The following PRELID2 variants were observed in gnomAD, a reference collection of about 807,000 sequenced individuals.
PRELID2 encodes PRELI domain containing 2, also known as PRELI domain-containing protein 2.
In PRELID2, 25 loss-of-function variants were observed where a neutral mutation model predicts 28.4. The observed-to-expected ratio is 0.88, with a 90% confidence interval of 0.64 to 1.23. PRELID2 has a LOEUF of 1.23. PRELID2 is among the 50% of genes most tolerant of loss of function. PRELID2 has a pLI of 0.00. For missense variants in PRELID2, 201 were observed against 214.4 expected (o/e 0.94, Z 0.39); for synonymous variants, 76 against 71.6 (o/e 1.06, Z -0.31).
chr5:145,472,346 G>T (rs546198161), intron 2 of PRELID2, among the ~76,000 whole-genome samples: 41 of 152,154 alleles, frequency 2.7e-4, no homozygotes, highest in African/African-American at 9.4e-4. Flanking sequence ...AGCCCCATAG[G>T]ACAAGAATGA....
chr5:145,299,642 TGC>T, the PRELID2 span, among the ~76,000 whole-genome samples: 825 of 81,014 alleles, frequency 0.01, 1 homozygote, highest in Admixed American at 0.021. Context: ...TATATGTGTG[TGC>T]GTGTGTGTGT....
intron 1 of PRELID2, among the ~76,000 whole-genome samples, chr5:145,481,623 C>CAAAAAAAAAAAAAAAAAGAAA (rs1752160421): frequency 2.4e-5 from 1 of 41,862 alleles, no homozygotes; most frequent in Non-Finnish European, 3.8e-5. Context: ...GCAAGGAAAT[C>CAAAAAAAAAAAAAAAAAGAAA]AAAAAAAAAA....
chr5:145,632,516 AC>A (rs1753947101), intron 1 of PRELID2, among the ~76,000 whole-genome samples: 1 of 152,192 alleles, frequency 6.6e-6, no homozygotes, highest in African/African-American at 2.4e-5. Context: ...TTCATAAACC[AC>A]AAATATCATA....
At chr5:145,500,756 T>A (rs964988726) in intron 1 of PRELID2, among the ~76,000 whole-genome samples, 3 of 152,134 alleles carry the variant, frequency 2.0e-5, no homozygotes, top group Non-Finnish European at 2.9e-5. Flanking sequence ...TTGTGTTAAG[T>A]TTAGAAGTCC....
chr5:145,366,422 C>T, the PRELID2 span, among the ~76,000 whole-genome samples: 1 of 151,776 alleles, frequency 6.6e-6, no homozygotes, highest in African/African-American at 2.4e-5. Flanking sequence ...TGGAGTATTG[C>T]TTATTTGGCA....
the PRELID2 span, among the ~76,000 whole-genome samples, chr5:145,357,803 G>T: frequency 6.6e-6 from 1 of 151,998 alleles, no homozygotes; most frequent in Admixed American, 6.6e-5. Flanking sequence ...TGGTTGTTTG[G>T]AGTTAAAAAA....
chr5:145,765,924 G>A (rs1333062796), intron 5 of PRELID2, among the ~76,000 whole-genome samples: 1 of 152,120 alleles, frequency 6.6e-6, no homozygotes, highest in Admixed American at 6.5e-5. Flanking sequence ...AATAAAGCCA[G>A]GGAAACAGCA....
chr5:145,672,548 TCCTGTATAG>T (rs955351545), intron 1 of PRELID2, among the ~76,000 whole-genome samples: 5 of 151,460 alleles, frequency 3.3e-5, no homozygotes, highest in Non-Finnish European at 5.9e-5. Context: ...GCCTATTTCC[TCCTGTATAG>T]CCACCTTCTG....
chr5:145,314,286 C>CTCTA, the PRELID2 span, among the ~76,000 whole-genome samples: 3 of 152,300 alleles, frequency 2.0e-5, no homozygotes, highest in East Asian at 5.8e-4. Context: ...TTTAATCTCA[C>CTCTA]TCTATCTTTC....
chr5:145,240,135 A>G, the PRELID2 span, among the ~76,000 whole-genome samples: 1 of 152,000 alleles, frequency 6.6e-6, no homozygotes, highest in Non-Finnish European at 1.5e-5. Flanking sequence ...GTTCCTCATA[A>G]TGGTCTGACG....
intron 1 of PRELID2, among the ~76,000 whole-genome samples, chr5:145,592,459 TACAC>T (rs1225402476): frequency 6.9e-6 from 1 of 144,020 alleles, no homozygotes; most frequent in Non-Finnish European, 1.5e-5. Flanking sequence ...TATATAAATA[TACAC>T]ACACATACAT....
chr5:145,576,967 A>G (rs151188710), intron 1 of PRELID2, among the ~76,000 whole-genome samples: 5 of 152,252 alleles, frequency 3.3e-5, no homozygotes, highest in African/African-American at 1.2e-4. Context: ...AGAGGCCATA[A>G]AATTCTGTCC....
chr5:145,721,056 A>C (rs1484348043), intron 1 of PRELID2, among the ~76,000 whole-genome samples: 2 of 152,114 alleles, frequency 1.3e-5, no homozygotes, highest in Non-Finnish European at 2.9e-5. Flanking sequence ...TTTTCCAAAA[A>C]ATATAGCAGC....
chr5:145,718,785 G>T (rs1402475647), intron 1 of PRELID2, among the ~76,000 whole-genome samples: 1 of 151,820 alleles, frequency 6.6e-6, no homozygotes, highest in African/African-American at 2.4e-5. Context: ...TTAAGAGAAG[G>T]TATTGGAAAA....
chr5:145,340,697 G>T, the PRELID2 span, among the ~76,000 whole-genome samples: 1 of 151,012 alleles, frequency 6.6e-6, no homozygotes, highest in Non-Finnish European at 1.5e-5. Context: ...AGCCGGGGAT[G>T]CAGATGATGC....
At chr5:145,233,508 T>A in the PRELID2 span, among the ~76,000 whole-genome samples, 1 of 152,114 alleles carries the variant, frequency 6.6e-6, no homozygotes, top group Admixed American at 6.6e-5. Context: ...CACAACCCTG[T>A]TGGACATTAG....
At chr5:145,441,919 C>A in the PRELID2 span, among the ~76,000 whole-genome samples, 8 of 152,104 alleles carry the variant, frequency 5.3e-5, no homozygotes, top group Admixed American at 2.6e-4. Flanking sequence ...GCGATTCAGA[C>A]AAAGTCTGAT....
intron 4 of PRELID2, among the ~76,000 whole-genome samples, chr5:145,798,229 T>C (rs778294552): frequency 2.0e-5 from 3 of 152,064 alleles, no homozygotes; most frequent in Non-Finnish European, 2.9e-5. Flanking sequence ...CCTAAGGGAC[T>C]TATAAGACAT....
At chr5:145,274,677 G>C in the PRELID2 span, among the ~76,000 whole-genome samples, 1 of 152,128 alleles carries the variant, frequency 6.6e-6, no homozygotes, top group South Asian at 2.1e-4. Context: ...TTTAAGTCAG[G>C]AAGAGACAAA....
Sources: allele counts gnomAD v4.1 joint callset (sites outside exome capture counted in the v4.1 genomes callset), GRCh38; gene constraint gnomAD v4.1.1; transcripts MANE v1.5; gene names NCBI Gene and HGNC (gene_info 2026-07-23, HGNC 2026-07-21).